The following SETD4 variants were observed in gnomAD, a reference collection of about 807,000 sequenced individuals.
SETD4 encodes the protein SET domain-containing protein 4.
In SETD4, 46 loss-of-function variants were observed where a neutral mutation model predicts 58.3. The ratio of observed to expected loss-of-function variants is 0.79; its 90% CI spans 0.62 to 1.01. The LOEUF (loss-of-function observed/expected upper bound fraction) is 1.01, where lower values mean the gene tolerates loss of function less well. Among genes scored for constraint, SETD4 ranks in the 50% least tolerant of loss-of-function variants. The pLI, the probability that SETD4 is intolerant of heterozygous loss-of-function variation, is 0.00. For missense variants in SETD4, 490 were observed against 523.3 expected (o/e 0.94, Z 0.62); for synonymous variants, 190 against 202.6 (o/e 0.94, Z 0.53).
At chr21:36,042,550 TTTA>T (rs1295165812) in intron 7 of SETD4, 4 of 152,226 alleles carry the variant, frequency 2.6e-5, no homozygotes, top group African/African-American at 9.6e-5. Flanking sequence ...CTTTTCTATT[TTTA>T]TTTTGAGAAA....
chr21:36,057,129 A>G lies in SETD4; in HGVS notation c.149T>C (p.Leu50Ser). ...CTTACCTGGAAAACAAGCAGGCGCT[A>G]AGTTTGAATCTTGAAACTTCCTAGC... ...LKARKFQDSNLAPACFPGTGR... is the reference protein window; with the variant it reads ...LKARKFQDSNSAPACFPGTGR... Residue 50 changes from leucine (L) to serine (S), a missense_variant, in exon 3 of 12, where the codon TTA (leucine) becomes TCA (serine). Transcript: ENST00000332131. The G allele has an allele frequency of 6.2e-7, 1 of 1,614,142 alleles. No individual in the cohort carries two copies.
intron 4 of SETD4, among the ~76,000 whole-genome samples, chr21:36,049,390 A>G (rs930212602): frequency 2.6e-5 from 4 of 152,108 alleles, no homozygotes; most frequent in Admixed American, 2.6e-4. Flanking sequence ...CCACATCTCT[A>G]CTAAAAATAC....
At chr21:36,042,037 TC>T in intron 7 of SETD4, 149 bp from the exon 8 acceptor site, 1 of 520,956 alleles carries the variant, frequency 1.9e-6, no homozygotes, top group Non-Finnish European at 3.4e-6. Context: ...AATCTACTCT[TC>T]AAGTCCAATT....
chr21:36,047,861 C>G (rs966296467), intron 5 of SETD4, among the ~76,000 whole-genome samples: 27 of 140,246 alleles, frequency 1.9e-4, no homozygotes, highest in African/African-American at 7.3e-4. Flanking sequence ...AAAAAATTAG[C>G]TGGGCGTGGT....
At chr21:36,057,804 T>G (rs12483417) in intron 2 of SETD4, among the ~76,000 whole-genome samples, 42,133 of 152,122 alleles carry the variant, frequency 0.28, 5,922 homozygotes, top group Middle Eastern at 0.33. Context: ...GGTCCACACG[T>G]AAATTTTTGA....
In SETD4 at chr21:36,050,174, C is replaced by G; in HGVS notation, c.208-1778G>C. On this transcript the variant is annotated intron_variant, in intron 4 of 11. Transcript: ENST00000332131. ...CATAATCAACTGGTAGATGTTACAT[C>G]CAAGAGGAAACAATCCAGGCAAGGA... The G allele has an allele frequency of 3.9e-6, 4 of 1,019,746 alleles. No homozygotes were observed. In the East Asian group the frequency reaches 9.5e-5, roughly 24 times the overall value. 63.2% of individuals were successfully genotyped at this position (1,019,746 alleles called of 1,614,324 possible).
In SETD4 at chr21:36,036,153, G is replaced by A. The variant is rs116964328; in HGVS notation, c.1287C>T (p.Ala429=). 79 of 1,613,990 alleles carry A rather than the reference G, an allele frequency of 4.9e-5. No homozygotes were observed. The highest frequency in any genetic ancestry group is 4.0e-5 in the African/African-American group (3 of 75,010). The part of the protein sequence containing the change: ...TEELKILRAS[A]ETLHSLQTAF... The stretch of plus-strand genomic sequence containing the variant: ...CTGTTTGCAAACTGTGCAGGGTCTC[G>A]GCAGATGCCCTGAGAATCTTTAGCT... The change falls in exon 11 of 12, where the codon GCC becomes GCT. Residue 429 remains alanine, a synonymous_variant. Coordinates refer to ENST00000332131, the MANE Select transcript of SETD4 (RefSeq NM_017438.5).
Position 36,038,861 on chromosome 21 carries a change from G to A in SETD4, c.1065-588C>T, listed in dbSNP as rs142682699. On this transcript the variant is annotated intron_variant, in intron 9 of 11. Transcript: ENST00000332131. ...GGGCCCACTCTGGAAGGTCTGCTGT[G>A]GCAGGTGCAAGGGAGCCACAGCAGG... is the stretch of plus-strand genomic sequence containing the variant. Among the ~76,000 whole-genome samples, 110 of 152,274 alleles carry A rather than the reference G, an allele frequency of 7.2e-4. 1 individual carries two copies. The East Asian group carries it at 0.02, about 28-fold the overall frequency.
Position 36,045,881 on chromosome 21 carries a change from A to G in SETD4, c.427T>C (p.Leu143=). ...LPKAYTCPVC[L]EPEVVNLLPK... is the part of the protein sequence containing the mutation. ...AGAAGGTTCACCACTTCCGGCTCCA[A>G]ACAAACAGGGCAGGTATACGCCTTG... Residue 143 remains leucine (L), a synonymous_variant, in exon 6 of 12, where the codon TTG becomes CTG. Transcript: ENST00000332131. The G allele has an allele frequency of 1.9e-6, 3 of 1,614,184 alleles. No individual in the cohort carries two copies. Among genetic ancestry groups the G allele is most frequent in the Non-Finnish European group, 2.5e-6 (3 of 1,180,028 alleles).
chr21:36,050,311 C>T (rs1319002581), intron 4 of SETD4: 83 of 1,611,874 alleles, frequency 5.1e-5, no homozygotes, highest in Middle Eastern at 1.6e-4. Context: ...GCATTAAAGG[C>T]CAAATGTTGT....
chr21:36,044,435 T>G (rs192347315), intron 6 of SETD4, among the ~76,000 whole-genome samples: 133 of 152,362 alleles, frequency 8.7e-4, no homozygotes, highest in African/African-American at 3.1e-3. Context: ...GTTCGTGCTG[T>G]GGTCTTCCTA....
Position 36,043,924 on chromosome 21 carries a change from A to T in SETD4, c.759T>A (p.Ser253=). The T allele has an allele frequency of 6.2e-7, 1 of 1,614,214 alleles. No individual in the cohort carries two copies. Among genetic ancestry groups the T allele is most frequent in the Non-Finnish European group, 8.5e-7 (1 of 1,180,036 alleles). Residue 253 remains serine, a synonymous_variant, in exon 7 of 12, where the codon TCT becomes TCA. Coordinates refer to ENST00000332131, the MANE Select transcript of SETD4 (RefSeq NM_017438.5). ...VKAAFNEETH[S]YEIRTTSRWR... is the part of the protein sequence containing the mutation. The stretch of plus-strand genomic sequence containing the variant: ...AACGTGAAGTCGTTCTAATTTCGTA[A>T]GAATGAGTTTCTTCATTAAACGCTG...
chr21:36,050,814 C>A lies in SETD4; in HGVS notation c.208-2418G>T. 6.2e-6 allele frequency: 10 copies of A among 1,611,184 alleles called. 1 individual carries two copies. In the South Asian group the frequency reaches 1.1e-4, roughly 18 times the overall value. The stretch of plus-strand genomic sequence containing the variant: ...GTTCCAGAAGTATGTTAAAGAGTCA[C>A]ATGGACGGGATGTACGTGTCATTGT... On this transcript the variant is annotated intron_variant, in intron 4 of 11. Transcript: ENST00000332131.
chr21:36,041,931 G>A, intron 7 of SETD4, 43 bp from the exon 8 acceptor site: 1 of 1,102,248 alleles, frequency 9.1e-7, no homozygotes, highest in South Asian at 1.5e-5. Flanking sequence ...GCATAAATTT[G>A]GACAAAAGTA....
chr21:36,045,554 A>G, intron 6 of SETD4, 28 bp downstream of exon 6: 1 of 1,604,262 alleles, frequency 6.2e-7, no homozygotes, highest in Non-Finnish European at 8.5e-7. Flanking sequence ...ATCCAAATAG[A>G]ATAGCTGCTC....
intron 4 of SETD4, 142 bp from the exon 5 acceptor site, chr21:36,048,538 A>G (rs2064468451): frequency 4.2e-6 from 3 of 719,808 alleles, no homozygotes; most frequent in Non-Finnish European, 7.4e-6. Context: ...GAGCCTACCA[A>G]TGGAGTCGCT....
intron 5 of SETD4, among the ~76,000 whole-genome samples, chr21:36,048,081 G>A (rs1601244444): frequency 8.6e-6 from 1 of 116,272 alleles, no homozygotes; most frequent in South Asian, 3.4e-4. Flanking sequence ...GGGAAGGAGG[G>A]AAGGAGGGAG....
At chr21:36,050,711 T>C in intron 4 of SETD4, 1 of 1,611,922 alleles carries the variant, frequency 6.2e-7, no homozygotes, top group South Asian at 1.1e-5. Flanking sequence ...GTCATAGAGG[T>C]AAAGCTGTTT....
At chr21:36,041,260 A>G (rs1294142620) in intron 8 of SETD4, among the ~76,000 whole-genome samples, 2 of 151,900 alleles carry the variant, frequency 1.3e-5, no homozygotes, top group African/African-American at 4.8e-5. Context: ...AGAAACGCTT[A>G]AGAACTGGAA....
Sources: allele counts gnomAD v4.1 joint callset (sites outside exome capture counted in the v4.1 genomes callset), GRCh38; gene constraint gnomAD v4.1.1; transcripts MANE v1.5; gene names NCBI Gene and HGNC (gene_info 2026-07-23, HGNC 2026-07-21).